Variants in NAALADL2 observed in about 807,000 individuals in gnomAD.
NAALADL2 encodes the protein inactive N-acetylated-alpha-linked acidic dipeptidase-like protein 2.
In NAALADL2, 76 loss-of-function variants were observed where a neutral mutation model predicts 87.2. The observed-to-expected ratio is 0.87, with a 90% CI of 0.72 to 1.05. The LOEUF is 1.05. Ranked by LOEUF, NAALADL2 falls within the 50% of genes least tolerant of loss-of-function variation. The pLI, the probability that NAALADL2 is intolerant of heterozygous loss-of-function variation, is 0.00. For missense variants in NAALADL2, 1,089 were observed against 945.8 expected (o/e 1.15, Z -1.99); for synonymous variants, 354 against 331.0 (o/e 1.07, Z -0.75).
chr3:175,081,136 C>T (rs1717729912), intron 1 of NAALADL2: 1 of 152,096 alleles, frequency 6.6e-6, no homozygotes, highest in Admixed American at 6.6e-5. Context: ...AACCGGTTTT[C>T]CAGTAAGCAT....
rs1165451715 is a variant in NAALADL2, at chr3:174,961,383, TA to T, written c.43+101940del. ...CAATCTTGATTCTTTATAATATTGC[TA>T]AAAAAATCTTAAAAGCAAGAATTTC... On this transcript the variant is annotated intron_variant, in intron 1 of 13. Coordinates refer to ENST00000454872, the MANE Select transcript of NAALADL2 (RefSeq NM_207015.3). Among the ~76,000 whole-genome samples, 4 of 151,930 alleles carry T rather than the reference TA, an allele frequency of 2.6e-5. No homozygotes were observed. In the South Asian group the frequency reaches 8.3e-4, roughly 31 times the overall value.
intron 2 of NAALADL2, among the ~76,000 whole-genome samples, chr3:175,185,067 G>T (rs1737128575): frequency 1.3e-5 from 2 of 152,044 alleles, no homozygotes. Context: ...GGGGAGTGAT[G>T]TTTACTTTCT....
chr3:174,656,209 A>C (rs2108766660), intron 2 of NAALADL2, among the ~76,000 whole-genome samples: 1 of 152,346 alleles, frequency 6.6e-6, no homozygotes, highest in South Asian at 2.1e-4. Flanking sequence ...GGACCAGTAA[A>C]GAATACCCTG....
chr3:174,872,470 G>T (rs1028349165), intron 1 of NAALADL2, among the ~76,000 whole-genome samples: 15 of 152,066 alleles, frequency 9.9e-5, no homozygotes, highest in Admixed American at 2.0e-4. Context: ...GCCATTTTTG[G>T]CAAGTTGAGA....
chr3:175,186,838 A>G (rs1339147345), intron 2 of NAALADL2, among the ~76,000 whole-genome samples: 1 of 152,076 alleles, frequency 6.6e-6, no homozygotes, highest in Admixed American at 6.5e-5. Flanking sequence ...AAACTAATTA[A>G]CATCTCAAAT....
chr3:175,769,187 A>G (rs989951046), intron 13 of NAALADL2, among the ~76,000 whole-genome samples: 1 of 152,224 alleles, frequency 6.6e-6, no homozygotes, highest in African/African-American at 2.4e-5. Context: ...TTATTAATTC[A>G]GCAAGTACGC....
At chr3:174,969,824 A>G (rs1743376266) in intron 1 of NAALADL2, among the ~76,000 whole-genome samples, 1 of 152,214 alleles carries the variant, frequency 6.6e-6, no homozygotes, top group Non-Finnish European at 1.5e-5. Context: ...ATGGACACCA[A>G]TCAGTAGCAG....
chr3:175,044,870 G>A (rs114394134), intron 1 of NAALADL2, among the ~76,000 whole-genome samples: 1 of 150,542 alleles, frequency 6.6e-6, no homozygotes, highest in Non-Finnish European at 1.5e-5. Context: ...ATATTTTTCT[G>A]TTGGTGGAGT....
At chr3:175,787,257 G>C (rs1274317248) in intron 13 of NAALADL2, among the ~76,000 whole-genome samples, 6 of 152,122 alleles carry the variant, frequency 3.9e-5, no homozygotes, top group African/African-American at 1.4e-4. Flanking sequence ...GAGCTTCCCG[G>C]CTGCTTTGTT....
intron 2 of NAALADL2, among the ~76,000 whole-genome samples, chr3:174,620,467 G>A (rs1363402539): frequency 6.6e-6 from 1 of 151,800 alleles, no homozygotes; most frequent in African/African-American, 2.4e-5. Context: ...TGGCTACTAA[G>A]TTAATAGGGC....
chr3:175,694,347 T>C (rs1416238749), intron 11 of NAALADL2, among the ~76,000 whole-genome samples: 1 of 152,198 alleles, frequency 6.6e-6, no homozygotes, highest in Admixed American at 6.5e-5. Context: ...CCTTTTTAAA[T>C]AGGGAAATTA....
chr3:175,240,469 A>G (rs1368727361), intron 3 of NAALADL2, among the ~76,000 whole-genome samples: 1 of 152,182 alleles, frequency 6.6e-6, no homozygotes, highest in Non-Finnish European at 1.5e-5. Flanking sequence ...AAGCAAACTT[A>G]TCAGTGTTAT....
chr3:174,758,957 AT>A (rs1441883523), intron 3 of NAALADL2, among the ~76,000 whole-genome samples: 3 of 152,276 alleles, frequency 2.0e-5, no homozygotes, highest in Non-Finnish European at 2.9e-5. Context: ...TATTTCTATA[AT>A]TTTTAACAGG....
intron 2 of NAALADL2, among the ~76,000 whole-genome samples, chr3:174,673,455 A>G (rs78077058): frequency 0.018 from 2,766 of 152,164 alleles, 93 homozygotes; most frequent in African/African-American, 0.064. Flanking sequence ...ATAATGTGGT[A>G]TGTGTACACA....
chr3:174,731,746 G>A (rs996983972), intron 2 of NAALADL2, among the ~76,000 whole-genome samples: 11 of 152,110 alleles, frequency 7.2e-5, no homozygotes, highest in African/African-American at 2.7e-4. Context: ...TCAGTGTGAT[G>A]CTTGTACTGC....
intron 1 of NAALADL2, among the ~76,000 whole-genome samples, chr3:175,058,564 G>A (rs1580233371): frequency 6.6e-6 from 1 of 152,210 alleles, no homozygotes; most frequent in South Asian, 2.1e-4. Context: ...GAAAATGGAG[G>A]AATGATAAGT....
chr3:175,043,526 A>G (rs1754329246), intron 1 of NAALADL2, among the ~76,000 whole-genome samples: 1 of 152,132 alleles, frequency 6.6e-6, no homozygotes, highest in South Asian at 2.1e-4. Flanking sequence ...TGTGAGCCAT[A>G]GCACCTGGCC....
At position 175,304,067 on chromosome 3, in the gene NAALADL2, C is replaced by T. The variant is rs117004222; in HGVS notation, c.940-20108C>T. Among the ~76,000 whole-genome samples, 254 of 151,822 alleles carry T rather than the reference C, an allele frequency of 1.7e-3. 3 individuals are homozygous for T. The highest frequency in any genetic ancestry group is 0.016 in the East Asian group (84 of 5,152). ...AGGTAAAAGACCTATACAACCAAAT[C>T]CAAATGTTGATTTTCTTATTAACAA... On this transcript the variant is annotated intron_variant, in intron 4 of 13. Coordinates refer to ENST00000454872, the MANE Select transcript of NAALADL2 (RefSeq NM_207015.3).
intron 11 of NAALADL2, among the ~76,000 whole-genome samples, chr3:175,698,791 T>C (rs1359972153): frequency 6.6e-6 from 1 of 151,784 alleles, no homozygotes; most frequent in East Asian, 1.9e-4. Flanking sequence ...CATAGAGAAT[T>C]CAGTGAAATA....
Sources: allele counts gnomAD v4.1 joint callset (sites outside exome capture counted in the v4.1 genomes callset), GRCh38; gene constraint gnomAD v4.1.1; transcripts MANE v1.5; gene names NCBI Gene and HGNC (gene_info 2026-07-23, HGNC 2026-07-21).